ZBTB7C: variants seen among roughly 807,000 people sequenced by gnomAD.
ZBTB7C encodes the protein zinc finger and BTB domain containing 7C.
In ZBTB7C, 8 loss-of-function variants were observed where a neutral mutation model predicts 25.7. The observed-to-expected ratio is 0.31, with a 90% CI of 0.18 to 0.56. ZBTB7C has a LOEUF of 0.56. Among genes scored for constraint, ZBTB7C ranks in the 20% least tolerant of loss-of-function variants. The pLI, the probability that ZBTB7C is intolerant of heterozygous loss-of-function variation, is 0.91. For missense variants in ZBTB7C, 824 were observed against 855.2 expected (o/e 0.96, Z 0.46); for synonymous variants, 394 against 369.0 (o/e 1.07, Z -0.78).
At chr18:48,098,660 C>A (rs2038725050) in intron 3 of ZBTB7C, among the ~76,000 whole-genome samples, 1 of 152,202 alleles carries the variant, frequency 6.6e-6, no homozygotes. Context: ...GATTTCATAT[C>A]TGGTTCCTGG....
chr18:48,115,690 T>A lies in ZBTB7C; in HGVS notation c.-17+70244A>T, dbSNP rs8098389. ...TGAACATTCGTATACTAGTATCTGT[T>A]TGAATGCCCGTTTTCAATCCTTTGG... On this transcript the variant is annotated intron_variant, in intron 3 of 4. Coordinates refer to ENST00000590800, the MANE Select transcript of ZBTB7C (RefSeq NM_001318841.2). Among the ~76,000 whole-genome samples, 1,290 of 152,328 alleles carry A rather than the reference T, an allele frequency of 8.5e-3. 19 individuals are homozygous for A. Among genetic ancestry groups the A allele is most frequent in the African/African-American group, 0.029 (1,225 of 41,572 alleles).
chr18:48,226,784 G>T (rs2145324860), intron 2 of ZBTB7C, among the ~76,000 whole-genome samples: 1 of 152,292 alleles, frequency 6.6e-6, no homozygotes, highest in East Asian at 1.9e-4. Context: ...ACTTTGGGAG[G>T]CCAAGGCAGG....
intron 2 of ZBTB7C, among the ~76,000 whole-genome samples, chr18:48,251,658 C>T (rs963294881): frequency 2.6e-5 from 4 of 152,220 alleles, no homozygotes; most frequent in African/African-American, 9.6e-5. Flanking sequence ...AAGGATCAGA[C>T]AATGTGGCAC....
At chr18:48,164,023 G>A (rs988709582) in intron 3 of ZBTB7C, among the ~76,000 whole-genome samples, 1 of 152,182 alleles carries the variant, frequency 6.6e-6, no homozygotes, top group Non-Finnish European at 1.5e-5. Context: ...TGGGCTCTGA[G>A]TACTAATATG....
intron 3 of ZBTB7C, among the ~76,000 whole-genome samples, chr18:48,095,976 T>C (rs4245259): frequency 0.74 from 112,383 of 152,046 alleles, 42,358 homozygotes; most frequent in African/African-American, 0.88. Flanking sequence ...AAGCAGGCAG[T>C]GACGGCTGTC....
chr18:48,113,751 G>A (rs549350539), intron 3 of ZBTB7C, among the ~76,000 whole-genome samples: 46 of 152,356 alleles, frequency 3.0e-4, no homozygotes, highest in African/African-American at 1.0e-3. Flanking sequence ...AGAGTCAGGA[G>A]AGTCCCAGCT....
intron 3 of ZBTB7C, among the ~76,000 whole-genome samples, chr18:48,105,809 A>C (rs1181660722): frequency 6.6e-6 from 1 of 152,232 alleles, no homozygotes; most frequent in Non-Finnish European, 1.5e-5. Flanking sequence ...CTGAAATTTA[A>C]CAACTTGCTA....
chr18:48,198,603 G>T (rs1316192757), intron 2 of ZBTB7C, among the ~76,000 whole-genome samples: 2 of 152,010 alleles, frequency 1.3e-5, no homozygotes, highest in Non-Finnish European at 1.5e-5. Flanking sequence ...TGCAACCTCG[G>T]GCGAGCCCTT....
chr18:48,183,849 C>G (rs1389167617), intron 3 of ZBTB7C, among the ~76,000 whole-genome samples: 1 of 152,198 alleles, frequency 6.6e-6, no homozygotes, highest in African/African-American at 2.4e-5. Flanking sequence ...GACATCACTG[C>G]AGTGCAGTTG....
intron 2 of ZBTB7C, among the ~76,000 whole-genome samples, chr18:48,224,398 A>AG (rs2043037252): frequency 6.6e-6 from 1 of 152,206 alleles, no homozygotes. Flanking sequence ...CACAAGGAGC[A>AG]GAGGAAGGTT....
intron 3 of ZBTB7C, among the ~76,000 whole-genome samples, chr18:48,099,278 T>C (rs1023453750): frequency 2.0e-5 from 3 of 152,192 alleles, no homozygotes; most frequent in Non-Finnish European, 2.9e-5. Context: ...GGGGCATCAG[T>C]GTTCTCCAAA....
chr18:48,344,386 G>A (rs2046678022), intron 1 of ZBTB7C, among the ~76,000 whole-genome samples: 1 of 152,212 alleles, frequency 6.6e-6, no homozygotes, highest in African/African-American at 2.4e-5. Context: ...CCCAGGTGGA[G>A]TCAAGATCCT....
chr18:48,326,606 A>G (rs1299154653), intron 2 of ZBTB7C, among the ~76,000 whole-genome samples: 1 of 152,202 alleles, frequency 6.6e-6, no homozygotes, highest in Non-Finnish European at 1.5e-5. Flanking sequence ...TCAAAAAAAA[A>G]AGAAAGAAAA....
chr18:48,276,274 C>CT (rs555046633), intron 2 of ZBTB7C, among the ~76,000 whole-genome samples: 18,085 of 140,098 alleles, frequency 0.13, 1,199 homozygotes, highest in African/African-American at 0.16. Context: ...AGCTTTCTCT[C>CT]TTTTTTTTTT....
intron 2 of ZBTB7C, among the ~76,000 whole-genome samples, chr18:48,263,917 C>G (rs56711518): frequency 0.019 from 2,936 of 152,202 alleles, 109 homozygotes; most frequent in African/African-American, 0.066. Flanking sequence ...AAATCAAATG[C>G]TGGTAGGACT....
At chr18:48,112,073 T>C (rs1218867209) in intron 3 of ZBTB7C, among the ~76,000 whole-genome samples, 1 of 152,154 alleles carries the variant, frequency 6.6e-6, no homozygotes, top group Non-Finnish European at 1.5e-5. Flanking sequence ...AAATGACTTG[T>C]GGCCATTACA....
intron 2 of ZBTB7C, among the ~76,000 whole-genome samples, chr18:48,289,247 C>CT (rs1223878892): frequency 2.0e-5 from 3 of 152,124 alleles, no homozygotes; most frequent in Non-Finnish European, 4.4e-5. Context: ...AGCAAATTCA[C>CT]TTTTAGGCAT....
chr18:48,263,709 A>C (rs1017895685), intron 2 of ZBTB7C, among the ~76,000 whole-genome samples: 8 of 150,036 alleles, frequency 5.3e-5, no homozygotes, highest in African/African-American at 1.2e-4. Context: ...AAAAAAAAAA[A>C]CTCAGCAGAA....
intron 2 of ZBTB7C, among the ~76,000 whole-genome samples, chr18:48,233,444 T>C (rs1459315099): frequency 1.3e-5 from 2 of 152,216 alleles, no homozygotes; most frequent in Admixed American, 6.5e-5. Context: ...AGGCTTTGAA[T>C]GTCAGGCTAG....
Sources: gnomAD v4.1 joint callset for allele counts (sites outside exome capture counted in the v4.1 genomes callset) on GRCh38, gnomAD v4.1.1 for gene constraint, MANE v1.5 for transcripts, NCBI Gene and HGNC (gene_info 2026-07-23, HGNC 2026-07-21) for gene names.